Variants in PPCS observed in about 807,000 individuals in gnomAD.
The protein encoded by PPCS is phosphopantothenoylcysteine synthetase, also known as phosphopantothenate--cysteine ligase.
Under a neutral mutation model 24.6 loss-of-function variants are expected in PPCS, and 17 were observed. The observed-to-expected ratio is 0.69, with a 90% CI of 0.47 to 1.04. The LOEUF (loss-of-function observed/expected upper bound fraction) is 1.04, where lower values mean the gene tolerates loss of function less well. PPCS is among the 50% of genes least tolerant of loss of function. The pLI is 0.00. For synonymous variants in PPCS, 190 were observed against 168.3 expected (o/e 1.13, Z -1.00); for missense variants, 360 against 402.8 (o/e 0.89, Z 0.91).
At chr1:42,472,072 G>A (rs1157187413) in intron 2 of PPCS, among the ~76,000 whole-genome samples, 2 of 152,094 alleles carry the variant, frequency 1.3e-5, no homozygotes, top group Admixed American at 6.5e-5. Context: ...TGACCAACAT[G>A]GTGAAACCTC....
intron 2 of PPCS, among the ~76,000 whole-genome samples, chr1:42,472,459 T>C (rs1240652449): frequency 6.6e-6 from 1 of 152,132 alleles, no homozygotes; most frequent in Admixed American, 6.5e-5. Flanking sequence ...TTATAAGACA[T>C]ATTCTGTGAG....
downstream of PPCS, among the ~76,000 whole-genome samples, chr1:42,465,341 AGTTTTTTTT>A (rs1643538083): frequency 6.6e-6 from 1 of 151,992 alleles, no homozygotes; most frequent in Non-Finnish European, 1.5e-5. Context: ...ATTCTAGGAC[AGTTTTTTTT>A]GTTTTTGTTT....
At chr1:42,470,735 T>C (rs1643743699) in intron 2 of PPCS, among the ~76,000 whole-genome samples, 1 of 152,166 alleles carries the variant, frequency 6.6e-6, no homozygotes, top group Non-Finnish European at 1.5e-5. Flanking sequence ...TCCATTTCTA[T>C]GAGTTGTATA....
At chr1:42,471,322 G>A (rs1643763553) in intron 2 of PPCS, among the ~76,000 whole-genome samples, 1 of 152,152 alleles carries the variant, frequency 6.6e-6, no homozygotes, top group Non-Finnish European at 1.5e-5. Context: ...TGGGGATTAT[G>A]CTGTTGGGCA....
intron 2 of PPCS, among the ~76,000 whole-genome samples, chr1:42,471,193 A>G (rs1398609217): frequency 1.6e-4 from 25 of 152,112 alleles, no homozygotes; most frequent in Admixed American, 1.6e-3. Context: ...ATTGACCTGA[A>G]GCCTGTACCG....
chr1:42,466,575 G>A (rs1438095317), intron 2 of PPCS, among the ~76,000 whole-genome samples: 1 of 149,404 alleles, frequency 6.7e-6, no homozygotes, highest in African/African-American at 2.5e-5. Flanking sequence ...TTTTTGAGAT[G>A]GAGCCTTGCT....
intron 2 of PPCS, 39 bp from the exon 3 acceptor site, chr1:42,459,564 C>G: frequency 6.5e-7 from 1 of 1,541,402 alleles, no homozygotes; most frequent in Non-Finnish European, 8.9e-7. Context: ...TAGGTAATGA[C>G]CATTGTTTGC....
chr1:42,457,082 C>T lies in PPCS; in HGVS notation c.508+9C>T, dbSNP rs202077901. On this transcript the variant is annotated intron_variant, in intron 1 of 2. Coordinates refer to ENST00000372561, the MANE Select transcript of PPCS (RefSeq NM_024664.4). ...GGCACTCAATCCGCTAGGTGCGTGC[C>T]CTAGGAGTACCCCTTTTGCCTGGAA... 11 of 1,585,976 alleles carry T rather than the reference C, an allele frequency of 6.9e-6. No homozygotes were observed. The highest frequency in any genetic ancestry group is 8.5e-6 in the Non-Finnish European group (10 of 1,170,138).
rs527394053 is a variant in PPCS at position 42,460,333 on chromosome 1, A to G, written c.*407A>G. 447 of 987,686 alleles carry G rather than the reference A, an allele frequency of 4.5e-4. No individual in the cohort carries two copies. Among genetic ancestry groups the G allele is most frequent in the South Asian group, 7.4e-4 (16 of 21,490 alleles). 61.2% of individuals were successfully genotyped at this position (987,686 alleles called of 1,614,324 possible). A position where few individuals can be genotyped will look rare whatever the true frequency, so the allele number is the denominator to read the frequency against. ...GCCATGAGGATTAAAAAGATGAATA[A>G]ACATATCTTGTTTAGGAAATGGATG... is the stretch of plus-strand genomic sequence containing the variant. On this transcript the variant is annotated 3_prime_UTR_variant, in exon 3 of 3. Transcript: ENST00000372561.
At chr1:42,473,218 C>A in exon 3 of PPCS, 1 of 1,231,428 alleles carries the variant, frequency 8.1e-7, no homozygotes, top group East Asian at 3.2e-5. Context: ...GGTGCTTATT[C>A]CAGCCAGCAC....
downstream of PPCS, chr1:42,463,833 T>G (rs906011057): frequency 6.6e-6 from 1 of 152,162 alleles, no homozygotes; most frequent in Non-Finnish European, 1.5e-5. Flanking sequence ...ATGTTCGTCA[T>G]GCAGAACCTT....
intron 2 of PPCS, among the ~76,000 whole-genome samples, chr1:42,470,461 C>T (rs973434070): frequency 2.0e-5 from 3 of 152,094 alleles, no homozygotes; most frequent in Admixed American, 6.5e-5. Context: ...TCCACTCCTA[C>T]GTATATACCC....
At chr1:42,466,920 A>G (rs1313056606) in intron 2 of PPCS, among the ~76,000 whole-genome samples, 1 of 152,198 alleles carries the variant, frequency 6.6e-6, no homozygotes, top group African/African-American at 2.4e-5. Flanking sequence ...CAGAGCATTT[A>G]TAATTTAGTT....
chr1:42,465,275 C>T (rs376702561), downstream of PPCS, among the ~76,000 whole-genome samples: 10 of 152,274 alleles, frequency 6.6e-5, no homozygotes, highest in South Asian at 2.1e-4. Context: ...CGCACCACTG[C>T]GCTCCAACCT....
At chr1:42,468,058 A>G (rs1247661254) in intron 2 of PPCS, among the ~76,000 whole-genome samples, 1 of 152,178 alleles carries the variant, frequency 6.6e-6, no homozygotes, top group Admixed American at 6.5e-5. Context: ...TCTGTATCCA[A>G]TTCCTGTGTA....
chr1:42,463,290 T>C (rs1459396902), downstream of PPCS: 8 of 152,260 alleles, frequency 5.3e-5, no homozygotes, highest in Admixed American at 4.6e-4. Context: ...GCGGTTGCTA[T>C]GACGCCCAGG....
rs1643218475 is a variant in PPCS at position 42,456,926 on chromosome 1, G to T, written c.361G>T (p.Glu121Ter). The T allele has an allele frequency of 6.2e-7, 1 of 1,609,080 alleles. No individual in the cohort carries two copies. The highest frequency in any genetic ancestry group is 1.3e-5 in the African/African-American group (1 of 74,948). Residue 121 changes from glutamate (E) to a stop codon, truncating the protein, a stop_gained, in exon 1 of 3, where the codon GAG (glutamate) becomes TAG (stop). Coordinates refer to ENST00000372561, the MANE Select transcript of PPCS (RefSeq NM_024664.4). LOFTEE classifies it high-confidence loss of function. Reference protein sequence around the residue: ...ALSGLLSLEAEENALPGFAEA... With the variant: ...ALSGLLSLEA ...TTCGGGCTTGCTGAGCCTGGAGGCC[G>T]AGGAGAATGCACTTCCGGGTTTTGC...
intron 2 of PPCS, among the ~76,000 whole-genome samples, chr1:42,472,944 A>G (rs1290349254): frequency 6.6e-6 from 1 of 152,182 alleles, no homozygotes; most frequent in African/African-American, 2.4e-5. Context: ...CAAGATATAT[A>G]TACATACACA....
downstream of PPCS, among the ~76,000 whole-genome samples, chr1:42,462,883 A>G (rs1643447953): frequency 6.6e-6 from 1 of 152,220 alleles, no homozygotes; most frequent in Admixed American, 6.5e-5. Context: ...CCACGTGGCT[A>G]GTGACACGAT....
Sources: gnomAD v4.1 joint callset for allele counts (sites outside exome capture counted in the v4.1 genomes callset) on GRCh38, gnomAD v4.1.1 for gene constraint, MANE v1.5 for transcripts, NCBI Gene and HGNC (gene_info 2026-07-23, HGNC 2026-07-21) for gene names.